Variants in KMT2E observed in about 807,000 individuals in gnomAD.
The protein encoded by KMT2E is lysine methyltransferase 2E (inactive), also known as histone reader KMT2E.
A neutral mutation model predicts 184.6 loss-of-function variants in KMT2E; 30 were observed. That is an observed-to-expected ratio of 0.16 (90% CI 0.12 to 0.22). KMT2E has a LOEUF of 0.22. KMT2E is among the 10% of genes least tolerant of loss of function. KMT2E has a pLI of 1.00. For missense variants in KMT2E, 2,023 were observed against 2,237.4 expected (o/e 0.90, Z 1.93); for synonymous variants, 815 against 776.5 (o/e 1.05, Z -0.82).
rs186537174 is a variant in KMT2E, at chr7:105,102,520, T to G, written c.2196+326T>G. The G allele has an allele frequency of 3.0e-4, 51 of 171,968 alleles. No individual in the cohort carries two copies. In the East Asian group the frequency reaches 7.2e-3, roughly 24 times the overall value. 10.7% of individuals were successfully genotyped at this position (171,968 alleles called of 1,614,324 possible). ...AGATGTGTTATCCTTTATATTTTTA[T>G]AAATTTCATTGTATAGGTAGATTAT... is the stretch of plus-strand genomic sequence containing the variant. On this transcript the variant is annotated intron_variant, in intron 17 of 26. Transcript: ENST00000311117.
At chr7:105,060,696 A>C (rs1796781766) in intron 3 of KMT2E, among the ~76,000 whole-genome samples, 1 of 152,078 alleles carries the variant, frequency 6.6e-6, no homozygotes, top group South Asian at 2.1e-4. Flanking sequence ...TCAGACTCCC[A>C]AAGTGTTGAG....
In KMT2E at chr7:105,040,985, A is replaced by G. The variant is rs1177048633; in HGVS notation, c.33A>G (p.Thr11=). 3 of 1,611,740 alleles carry G rather than the reference A, an allele frequency of 1.9e-6. No individual in the cohort carries two copies. The highest frequency in any genetic ancestry group is 2.5e-6 in the Non-Finnish European group (3 of 1,179,344). The change falls in exon 3 of 27, where the codon ACA becomes ACG. Residue 11 remains threonine (T), a synonymous_variant. Coordinates refer to ENST00000311117, the MANE Select transcript of KMT2E (RefSeq NM_182931.3). MSIVIPLGVD[T]AETSYLEMAA... ...TAGTGATCCCATTGGGGGTTGATAC[A>G]GCAGAGACGTCATACTTGGAAATGG...
At chr7:105,042,906 A>G (rs1795943525) in intron 3 of KMT2E, among the ~76,000 whole-genome samples, 1 of 152,228 alleles carries the variant, frequency 6.6e-6, no homozygotes, top group Non-Finnish European at 1.5e-5. Flanking sequence ...TTATGCCTTC[A>G]ATAACATACA....
At chr7:105,071,582 GTATATATATATA>G (rs1554392567) in intron 6 of KMT2E, among the ~76,000 whole-genome samples, 6 of 34,930 alleles carry the variant, frequency 1.7e-4, no homozygotes, top group Middle Eastern at 0.024. Flanking sequence ...ATGTGTGTGT[GTATATATATATA>G]TATATATATA....
In KMT2E at chr7:105,114,899, A is replaced by G. The variant is rs1251168028; in HGVS notation, c.*1566A>G. Among the ~76,000 whole-genome samples, 1 of 152,208 alleles carries G rather than the reference A, an allele frequency of 6.6e-6. No homozygotes were observed. The highest frequency in any genetic ancestry group is 1.5e-5 in the Non-Finnish European group (1 of 68,028). On this transcript the variant is annotated 3_prime_UTR_variant, in exon 27 of 27. Transcript: ENST00000311117. Reference sequence around the variant, plus strand: ...TCCTCAATTTGTCCAACAAAATTCTATTTATGGTATTTAGTAAAGAAACAT... The same window carrying G: ...TCCTCAATTTGTCCAACAAAATTCTGTTTATGGTATTTAGTAAAGAAACAT...
chr7:105,055,144 C>A (rs556791279), intron 3 of KMT2E, among the ~76,000 whole-genome samples: 1 of 151,210 alleles, frequency 6.6e-6, no homozygotes, highest in East Asian at 1.9e-4. Flanking sequence ...ACTCCACTTA[C>A]ATCATTAACT....
At chr7:105,071,606 ATATTTTTTTTTT>A (rs1418523786) in intron 6 of KMT2E, among the ~76,000 whole-genome samples, 4 of 58,714 alleles carry the variant, frequency 6.8e-5, no homozygotes, top group African/African-American at 3.1e-4. Context: ...ATATATATAT[ATATTTTTTTTTT>A]TTTTTTTTTT....
intron 6 of KMT2E, among the ~76,000 whole-genome samples, chr7:105,067,554 CT>C (rs1255313474): frequency 6.6e-6 from 1 of 152,164 alleles, no homozygotes; most frequent in African/African-American, 2.4e-5. Context: ...TTTCTTCTCC[CT>C]TTACATGTTG....
At chr7:105,030,647 C>G (rs1444956597) in intron 1 of KMT2E, among the ~76,000 whole-genome samples, 2 of 152,120 alleles carry the variant, frequency 1.3e-5, no homozygotes, top group African/African-American at 4.8e-5. Context: ...TGTGAATGCC[C>G]TTTTAGTTTT....
chr7:105,109,843 CTTTT>C (rs34727137), intron 23 of KMT2E, among the ~76,000 whole-genome samples: 7 of 136,294 alleles, frequency 5.1e-5, no homozygotes, highest in Admixed American at 3.0e-4. Context: ...ATAAGATTAA[CTTTT>C]TTTTTTTTTT....
At chr7:105,096,998 G>C (rs936960099) in intron 15 of KMT2E, among the ~76,000 whole-genome samples, 6 of 152,180 alleles carry the variant, frequency 3.9e-5, no homozygotes, top group African/African-American at 1.4e-4. Flanking sequence ...ACAATTGTCA[G>C]ATTTTCCTAA....
At chr7:105,102,382 A>C in intron 17 of KMT2E, 188 bp downstream of exon 17, 1 of 469,888 alleles carries the variant, frequency 2.1e-6, no homozygotes, top group Non-Finnish European at 3.7e-6. Flanking sequence ...ATTACTGTGA[A>C]GATAAAGTTA....
intron 10 of KMT2E, 40 bp from the exon 11 acceptor site, chr7:105,077,263 A>C (rs747534460): frequency 7.5e-6 from 12 of 1,602,330 alleles, no homozygotes; most frequent in East Asian, 2.2e-5. Flanking sequence ...AACTGAAAAC[A>C]AGCAAGTTTA....
At chr7:105,087,312 A>ATGCTT (rs1798025251) in intron 13 of KMT2E, among the ~76,000 whole-genome samples, 1 of 147,472 alleles carries the variant, frequency 6.8e-6, no homozygotes, top group Non-Finnish European at 1.5e-5. Flanking sequence ...TATAAATATA[A>ATGCTT]ATATAGCATA....
chr7:105,110,251 T>TA (rs1415662524), intron 23 of KMT2E, 29 bp from the exon 24 acceptor site: 1 of 1,567,104 alleles, frequency 6.4e-7, no homozygotes, highest in South Asian at 1.1e-5. Flanking sequence ...TTTCTTTCAA[T>TA]AGAGGATAAT....
At chr7:105,022,289 T>G (rs1794987273) in intron 1 of KMT2E, among the ~76,000 whole-genome samples, 2 of 152,212 alleles carry the variant, frequency 1.3e-5, no homozygotes. Context: ...TTTAGTTTTG[T>G]TGTCCCTTAA....
Position 105,101,578 on chromosome 7 carries a change from G to GAC in KMT2E, c.1877_1878insCA (p.Glu626AspfsTer21). The GAC allele has an allele frequency of 6.5e-7, 1 of 1,542,480 alleles. No individual in the cohort carries two copies. Among genetic ancestry groups the GAC allele is most frequent in the Non-Finnish European group, 8.7e-7 (1 of 1,153,378 alleles). The stretch of plus-strand genomic sequence containing the variant: ...AGATACACAGATTGTCAGTGATGCT[G>GAC]AAGTTATTCAGGTATTATTTATTCA... On this transcript the variant is annotated frameshift_variant, in exon 16 of 27. Transcript: ENST00000311117. LOFTEE classifies it high-confidence loss of function.
At chr7:105,072,889 G>C (rs1331955645) in intron 6 of KMT2E, among the ~76,000 whole-genome samples, 3 of 152,028 alleles carry the variant, frequency 2.0e-5, no homozygotes, top group East Asian at 3.9e-4. Context: ...ACTCCAGCCT[G>C]GGCAATAAGA....
intron 3 of KMT2E, among the ~76,000 whole-genome samples, chr7:105,051,697 C>T (rs1036672797): frequency 6.6e-6 from 1 of 152,070 alleles, no homozygotes; most frequent in Non-Finnish European, 1.5e-5. Context: ...TGGTTCACTG[C>T]AACCTCTGCC....
Sources: allele counts gnomAD v4.1 joint callset (sites outside exome capture counted in the v4.1 genomes callset), GRCh38; gene constraint gnomAD v4.1.1; transcripts MANE v1.5; gene names NCBI Gene and HGNC (gene_info 2026-07-23, HGNC 2026-07-21).